SPOCK3: variants seen among roughly 807,000 people sequenced by gnomAD.
SPOCK3 encodes SPARC (osteonectin), cwcv and kazal like domains proteoglycan 3, also known as testican-3.
SPOCK3 carries 30 observed loss-of-function variants against 56.6 expected under a neutral mutation model. The observed-to-expected ratio is 0.53, with a 90% CI of 0.40 to 0.72. SPOCK3 has a LOEUF of 0.72. Among genes scored for constraint, SPOCK3 ranks in the 30% least tolerant of loss-of-function variants. The pLI is 0.00. For missense variants in SPOCK3, 527 were observed against 530.0 expected (o/e 0.99, Z 0.06); for synonymous variants, 196 against 183.3 (o/e 1.07, Z -0.56).
In SPOCK3 at chr4:166,734,580, A is replaced by G. The variant is rs1013675598; in HGVS notation, c.*341T>C. On this transcript the variant is annotated 3_prime_UTR_variant, in exon 11 of 11. Coordinates refer to ENST00000357545, the MANE Select transcript of SPOCK3 (RefSeq NM_001040159.2). The stretch of plus-strand genomic sequence containing the variant: ...ACTTAGAATTATCTTTCAGAAAATT[A>G]ACATGTACGATCCCAAGCACTAGCT... The G allele has an allele frequency of 5.6e-6, 1 of 178,066 alleles. No homozygotes were observed. Among genetic ancestry groups the G allele is most frequent in the African/African-American group, 2.3e-5 (1 of 42,616 alleles). 11.0% of individuals were successfully genotyped at this position (178,066 alleles called of 1,614,324 possible).
chr4:167,100,841 T>C (rs1450736313), intron 2 of SPOCK3, among the ~76,000 whole-genome samples: 1 of 152,166 alleles, frequency 6.6e-6, no homozygotes, highest in African/African-American at 2.4e-5. Context: ...CTAGAATATA[T>C]TTCTGTGAAA....
intron 4 of SPOCK3, among the ~76,000 whole-genome samples, chr4:166,980,813 C>A (rs1460546094): frequency 6.6e-6 from 1 of 152,228 alleles, no homozygotes; most frequent in African/African-American, 2.4e-5. Context: ...AACCACAAAG[C>A]TCCAAAGAGG....
At chr4:167,205,898 C>T (rs867555350) in intron 2 of SPOCK3, among the ~76,000 whole-genome samples, 6 of 151,500 alleles carry the variant, frequency 4.0e-5, no homozygotes, top group African/African-American at 1.2e-4. Flanking sequence ...CATAAGCCAC[C>T]GCATCCAGCC....
At chr4:166,754,757 G>T in intron 7 of SPOCK3, 28 bp from the exon 8 acceptor site, 1 of 1,610,544 alleles carries the variant, frequency 6.2e-7, no homozygotes, top group South Asian at 1.1e-5. Flanking sequence ...AAAATGATTA[G>T]TTAAATATGA....
intron 2 of SPOCK3, among the ~76,000 whole-genome samples, chr4:167,158,497 G>T (rs1302596048): frequency 1.3e-5 from 2 of 151,874 alleles, no homozygotes; most frequent in African/African-American, 2.4e-5. Context: ...AGTTTTGTCA[G>T]GATTTGTTAT....
At chr4:166,943,190 A>G (rs1355796941) in intron 4 of SPOCK3, among the ~76,000 whole-genome samples, 1 of 152,212 alleles carries the variant, frequency 6.6e-6, no homozygotes, top group Non-Finnish European at 1.5e-5. Flanking sequence ...TAAAAATGAT[A>G]AAGTGATAAT....
chr4:166,792,438 G>T, intron 6 of SPOCK3, 149 bp from the exon 7 acceptor site: 1 of 696,524 alleles, frequency 1.4e-6, no homozygotes, highest in Non-Finnish European at 2.3e-6. Flanking sequence ...TTAAATATAT[G>T]CCTTAAAATA....
At chr4:166,807,751 A>G (rs534337560) in intron 6 of SPOCK3, among the ~76,000 whole-genome samples, 1 of 152,156 alleles carries the variant, frequency 6.6e-6, no homozygotes, top group East Asian at 1.9e-4. Context: ...TCAGGTAAGA[A>G]GAAAAAATTC....
chr4:167,116,528 G>GTATA (rs543390308), intron 2 of SPOCK3, among the ~76,000 whole-genome samples: 2 of 128,110 alleles, frequency 1.6e-5, no homozygotes, highest in African/African-American at 5.9e-5. Context: ...ATACGTATAT[G>GTATA]TATATATATA....
At chr4:167,019,795 C>G (rs1054702641) in intron 3 of SPOCK3, among the ~76,000 whole-genome samples, 1 of 152,000 alleles carries the variant, frequency 6.6e-6, no homozygotes, top group Non-Finnish European at 1.5e-5. Context: ...GAATTATAAC[C>G]GTGTGACTGA....
At chr4:167,145,129 G>A (rs1462495377) in intron 2 of SPOCK3, among the ~76,000 whole-genome samples, 1 of 152,020 alleles carries the variant, frequency 6.6e-6, no homozygotes, top group Non-Finnish European at 1.5e-5. Context: ...TTGAAATACA[G>A]TCAACATGAT....
chr4:166,864,545 TAAA>T (rs1156511882), intron 6 of SPOCK3, among the ~76,000 whole-genome samples: 1 of 151,236 alleles, frequency 6.6e-6, no homozygotes, highest in African/African-American at 2.4e-5. Flanking sequence ...GCAAGAATAA[TAAA>T]GAAGAAAAGA....
chr4:166,999,013 A>C (rs1748679530), intron 4 of SPOCK3, among the ~76,000 whole-genome samples: 1 of 152,166 alleles, frequency 6.6e-6, no homozygotes, highest in South Asian at 2.1e-4. Flanking sequence ...CTGTAAAATT[A>C]GCATCAAAGT....
At chr4:166,960,347 C>A (rs990016305) in intron 4 of SPOCK3, among the ~76,000 whole-genome samples, 4 of 152,024 alleles carry the variant, frequency 2.6e-5, no homozygotes, top group African/African-American at 9.7e-5. Flanking sequence ...ATATAAATTT[C>A]TATGAAATAT....
chr4:167,075,620 A>C (rs1757115422), intron 2 of SPOCK3, among the ~76,000 whole-genome samples: 1 of 151,956 alleles, frequency 6.6e-6, no homozygotes, highest in South Asian at 2.1e-4. Context: ...AAGGGAGATA[A>C]AAACAATAAC....
intron 3 of SPOCK3, among the ~76,000 whole-genome samples, chr4:167,044,136 T>C (rs1461129699): frequency 6.6e-6 from 1 of 152,076 alleles, no homozygotes; most frequent in Non-Finnish European, 1.5e-5. Flanking sequence ...ATCAGTCTAC[T>C]AAAATTGACT....
chr4:166,797,513 G>A (rs918001645), intron 6 of SPOCK3, among the ~76,000 whole-genome samples: 1 of 151,496 alleles, frequency 6.6e-6, no homozygotes. Context: ...CTTTTCCTAG[G>A]CTGTAATCTT....
intron 2 of SPOCK3, among the ~76,000 whole-genome samples, chr4:167,212,643 T>C (rs1734995381): frequency 6.6e-6 from 1 of 152,202 alleles, no homozygotes. Context: ...ATTGCTTTGA[T>C]AATAGCACAA....
chr4:166,949,536 G>T (rs892041095), intron 4 of SPOCK3, among the ~76,000 whole-genome samples: 1 of 152,140 alleles, frequency 6.6e-6, no homozygotes, highest in Non-Finnish European at 1.5e-5. Flanking sequence ...TGTCCTTTCT[G>T]TTCGTTAGTT....
Sources: allele counts gnomAD v4.1 joint callset (sites outside exome capture counted in the v4.1 genomes callset), GRCh38; gene constraint gnomAD v4.1.1; transcripts MANE v1.5; gene names NCBI Gene and HGNC (gene_info 2026-07-23, HGNC 2026-07-21).